VAPB: variants seen among roughly 807,000 people sequenced by gnomAD.
VAPB encodes the protein vesicle-associated membrane protein-associated protein B/C.
In VAPB, 7 loss-of-function variants were observed where a neutral mutation model predicts 25.6. The ratio of observed to expected loss-of-function variants is 0.27; its 90% CI spans 0.16 to 0.51. The LOEUF is 0.51. Ranked by LOEUF, VAPB falls within the 20% of genes least tolerant of loss-of-function variation. The pLI, the probability that VAPB is intolerant of heterozygous loss-of-function variation, is 0.97. For missense variants in VAPB, 266 were observed against 301.3 expected, an observed-to-expected ratio of 0.88 and a Z score of 0.87; for synonymous variants, 112 against 109.2, an observed-to-expected ratio of 1.03 and a Z score of -0.16.
At chr20:58,440,811 C>A in intron 4 of VAPB, 96 bp from the exon 5 acceptor site, 1 of 1,121,076 alleles carries the variant, frequency 8.9e-7, no homozygotes. Context: ...GAAATGCTAC[C>A]ACGTTTGGTG....
At chr20:58,423,447 A>AAAG (rs1988718014) in intron 2 of VAPB, among the ~76,000 whole-genome samples, 2 of 145,742 alleles carry the variant, frequency 1.4e-5, no homozygotes, top group South Asian at 2.2e-4. Context: ...AAAAAAAAAA[A>AAAG]AAGAAAAGAA....
intron 2 of VAPB, 94 bp downstream of exon 2, chr20:58,418,457 A>AGAT: frequency 6.7e-7 from 1 of 1,494,858 alleles, no homozygotes; most frequent in Non-Finnish European, 9.0e-7. Flanking sequence ...TAGCAGAAGA[A>AGAT]GATGATAGAA....
At chr20:58,412,455 T>C (rs1201306690) in intron 1 of VAPB, among the ~76,000 whole-genome samples, 1 of 151,668 alleles carries the variant, frequency 6.6e-6, no homozygotes. Flanking sequence ...CATATGCCTG[T>C]GGTCCTAGCT....
rs1353230617 is a variant in VAPB, at chr20:58,449,995, T to A, written c.*5760T>A. 2.2e-6 allele frequency: 1 copy of A among 453,948 alleles called. No individual in the cohort carries two copies. Among genetic ancestry groups the A allele is most frequent in the Non-Finnish European group, 4.4e-6 (1 of 226,792 alleles). 28.1% of individuals were successfully genotyped at this position (453,948 alleles called of 1,614,324 possible). On this transcript the variant is annotated 3_prime_UTR_variant, in exon 6 of 6. Coordinates refer to ENST00000475243, the MANE Select transcript of VAPB (RefSeq NM_004738.5). ...GACTAATCAGATATCTTAACACAATTTCATCCAGGCTTAGTGCTAACAAGA... is the reference window on the plus strand; with the variant it reads ...GACTAATCAGATATCTTAACACAATATCATCCAGGCTTAGTGCTAACAAGA...
At chr20:58,431,771 C>T (rs906798083) in intron 2 of VAPB, among the ~76,000 whole-genome samples, 5 of 151,990 alleles carry the variant, frequency 3.3e-5, no homozygotes, top group South Asian at 2.1e-4. Context: ...CTTGCTTTGT[C>T]GCCCAGGTTG....
Position 58,441,074 on chromosome 20 carries a change from G to A in VAPB, c.564G>A (p.Lys188=), listed in dbSNP as rs1252962552. 5.0e-6 allele frequency: 8 copies of A among 1,613,952 alleles called. No homozygotes were observed. Among genetic ancestry groups the A allele is most frequent in the African/African-American group, 1.3e-5 (1 of 75,036 alleles). ...TTCAGAGGCTACGGGAGGAGAACAA[G>A]CAGTTCAAGGTAATAGTTTATTTTC... ...GEVQRLREEN[K]QFKEEDGLRM... is the part of the protein sequence containing the mutation. The change falls in exon 5 of 6, where the codon AAG becomes AAA. Residue 188 remains lysine (K), a synonymous_variant. Transcript: ENST00000475243.
chr20:58,444,004 C>G, intron 5 of VAPB, 73 bp from the exon 6 acceptor site: 1 of 1,606,656 alleles, frequency 6.2e-7, no homozygotes. Flanking sequence ...ACAGCCCATC[C>G]CGTTAAGCTG....
chr20:58,429,262 A>G (rs1454763218), intron 2 of VAPB, among the ~76,000 whole-genome samples: 4 of 152,134 alleles, frequency 2.6e-5, no homozygotes, highest in African/African-American at 9.7e-5. Context: ...TTTATTCCCA[A>G]TTGAAAAGTT....
At position 58,447,986 on chromosome 20, in the gene VAPB, T is replaced by C. The variant is rs1255434491; in HGVS notation, c.*3751T>C. ...TCCCCCTGCTGGAGATGGCATTTCATTGAAGGGCCTCTCGTGGCTTTCCCT... is the reference window on the plus strand; with the variant it reads ...TCCCCCTGCTGGAGATGGCATTTCACTGAAGGGCCTCTCGTGGCTTTCCCT... On this transcript the variant is annotated 3_prime_UTR_variant, in exon 6 of 6. Transcript: ENST00000475243. 2 of 453,878 alleles carry C rather than the reference T, an allele frequency of 4.4e-6. No individual in the cohort carries two copies. The highest frequency in any genetic ancestry group is 2.4e-5 in the Admixed American group (1 of 42,542). The allele number at this position is 453,878 out of a possible 1,614,324, so 28.1% of individuals were successfully genotyped here. A position where few individuals can be genotyped will look rare whatever the true frequency, so the allele number is the denominator to read the frequency against.
intron 3 of VAPB, 87 bp from the exon 4 acceptor site, chr20:58,438,858 A>AT (rs1989102433): frequency 1.7e-6 from 2 of 1,144,362 alleles, no homozygotes; most frequent in East Asian, 2.4e-5. Context: ...CATTAAGAGT[A>AT]TTTTTCTGAA....
chr20:58,403,207 C>T (rs1047347505), intron 1 of VAPB, among the ~76,000 whole-genome samples: 1 of 152,196 alleles, frequency 6.6e-6, no homozygotes, highest in African/African-American at 2.4e-5. Context: ...GTTTTTACTT[C>T]TCCTCCTCTT....
Position 58,444,294 on chromosome 20 carries a change from A to C in VAPB, c.*59A>C. On this transcript the variant is annotated 3_prime_UTR_variant, in exon 6 of 6. Coordinates refer to ENST00000475243, the MANE Select transcript of VAPB (RefSeq NM_004738.5). ...TGGATCCACCATATCATGGGATTTA[A>C]ATTTATCATAACCATGTGTAAAAAG... The C allele has an allele frequency of 1.2e-6, 2 of 1,613,050 alleles. No homozygotes were observed. The highest frequency in any genetic ancestry group is 1.7e-6 in the Non-Finnish European group (2 of 1,179,144).
chr20:58,403,547 T>C (rs1988150974), intron 1 of VAPB, among the ~76,000 whole-genome samples: 1 of 152,222 alleles, frequency 6.6e-6, no homozygotes, highest in African/African-American at 2.4e-5. Context: ...CCCCCAGGTT[T>C]CTCTCTGTGA....
chr20:58,417,113 GGA>G (rs988975668), intron 1 of VAPB, among the ~76,000 whole-genome samples: 7 of 152,100 alleles, frequency 4.6e-5, no homozygotes, highest in Non-Finnish European at 8.8e-5. Context: ...CTTGCCTAGA[GGA>G]AACACAGAAA....
At chr20:58,414,489 G>A (rs1221527026) in intron 1 of VAPB, among the ~76,000 whole-genome samples, 1 of 150,792 alleles carries the variant, frequency 6.6e-6, no homozygotes, top group Non-Finnish European at 1.5e-5. Context: ...CCGGGCAGAG[G>A]GTCTCCTCAC....
chr20:58,403,168 G>A (rs530680273), intron 1 of VAPB, among the ~76,000 whole-genome samples: 2 of 152,302 alleles, frequency 1.3e-5, no homozygotes, highest in East Asian at 1.9e-4. Flanking sequence ...ACTAAATGCT[G>A]GTTGCTTTTC....
intron 1 of VAPB, among the ~76,000 whole-genome samples, chr20:58,394,545 T>C (rs1335198616): frequency 6.6e-6 from 1 of 152,196 alleles, no homozygotes; most frequent in Non-Finnish European, 1.5e-5. Flanking sequence ...GAATAGATTA[T>C]CTTCATTTAT....
intron 1 of VAPB, among the ~76,000 whole-genome samples, chr20:58,409,900 CAT>C (rs10567777): frequency 7.1e-4 from 96 of 135,552 alleles, no homozygotes; most frequent in African/African-American, 2.6e-3. Flanking sequence ...AATCTTTATT[CAT>C]ATACACACAC....
chr20:58,389,250 C>G lies in VAPB; in HGVS notation c.-210C>G. ...GCGTGCGTGCCGTCAGCTCGCCGGGCACCGCGGCCTCGCCCTCGCCCTCCG... is the reference window on the plus strand; with the variant it reads ...GCGTGCGTGCCGTCAGCTCGCCGGGGACCGCGGCCTCGCCCTCGCCCTCCG... On this transcript the variant is annotated 5_prime_UTR_variant, in exon 1 of 6. Coordinates refer to ENST00000475243, the MANE Select transcript of VAPB (RefSeq NM_004738.5). 1 of 664,158 alleles carries G rather than the reference C, an allele frequency of 1.5e-6. No individual in the cohort carries two copies. Among genetic ancestry groups the G allele is most frequent in the Non-Finnish European group, 2.7e-6 (1 of 365,224 alleles). The allele number at this position is 664,158 out of a possible 1,614,324, so 41.1% of individuals were successfully genotyped here. A position where few individuals can be genotyped will look rare whatever the true frequency, so the allele number is the denominator to read the frequency against.
Sources: gnomAD v4.1 joint callset for allele counts (sites outside exome capture counted in the v4.1 genomes callset) on GRCh38, gnomAD v4.1.1 for gene constraint, MANE v1.5 for transcripts, NCBI Gene and HGNC (gene_info 2026-07-23, HGNC 2026-07-21) for gene names.